The following SNX24 variants were observed in gnomAD, a reference collection of about 807,000 sequenced individuals.
SNX24 encodes the protein sorting nexin 24.
In SNX24, 22 loss-of-function variants were observed where a neutral mutation model predicts 28.7. The observed-to-expected ratio is 0.77, with a 90% CI of 0.55 to 1.10. The LOEUF is 1.10. Ranked by LOEUF, SNX24 falls within the 50% of genes least tolerant of loss-of-function variation. SNX24 has a pLI of 0.00. For synonymous variants in SNX24, 69 were observed against 71.5 expected (o/e 0.96, Z 0.18); for missense variants, 221 against 201.1 (o/e 1.10, Z -0.60).
At chr5:122,977,624 A>G (rs1761220722) in intron 3 of SNX24, among the ~76,000 whole-genome samples, 1 of 152,214 alleles carries the variant, frequency 6.6e-6, no homozygotes, top group Non-Finnish European at 1.5e-5. Context: ...CTGCCTTTAA[A>G]TTATACCCTT....
chr5:122,889,547 C>G (rs911329857), intron 1 of SNX24, among the ~76,000 whole-genome samples: 1 of 151,248 alleles, frequency 6.6e-6, no homozygotes, highest in Admixed American at 6.6e-5. Flanking sequence ...GACTAAAACC[C>G]TTTTTGTCTC....
At chr5:122,998,509 C>G (rs1268718570) in intron 3 of SNX24, among the ~76,000 whole-genome samples, 1 of 152,070 alleles carries the variant, frequency 6.6e-6, no homozygotes, top group Admixed American at 6.5e-5. Context: ...ATTTTTTCTT[C>G]TATCTTTTAT....
chr5:123,017,865 C>A (rs1762706177), intron 5 of SNX24, among the ~76,000 whole-genome samples: 2 of 152,250 alleles, frequency 1.3e-5, no homozygotes, highest in Middle Eastern at 3.4e-3. Flanking sequence ...CATTAAACAT[C>A]TTTCTTTTGT....
chr5:123,018,627 T>A (rs1425137803), intron 5 of SNX24, among the ~76,000 whole-genome samples: 2 of 152,162 alleles, frequency 1.3e-5, no homozygotes, highest in Non-Finnish European at 2.9e-5. Flanking sequence ...TTTTGGTAAT[T>A]TGGGTCCTCC....
chr5:122,899,372 A>G (rs921020741), intron 1 of SNX24, among the ~76,000 whole-genome samples: 3 of 152,134 alleles, frequency 2.0e-5, no homozygotes, highest in South Asian at 2.1e-4. Context: ...AATTAGTTCA[A>G]CATACAGTCT....
chr5:123,015,387 T>C (rs771615459), intron 5 of SNX24, among the ~76,000 whole-genome samples: 24 of 152,220 alleles, frequency 1.6e-4, no homozygotes, highest in Non-Finnish European at 3.4e-4. Flanking sequence ...ACAGTGACTG[T>C]GTATAGTTTG....
chr5:122,926,365 A>T (rs890926361), intron 1 of SNX24, among the ~76,000 whole-genome samples: 2 of 152,130 alleles, frequency 1.3e-5, no homozygotes, highest in African/African-American at 4.8e-5. Flanking sequence ...GGCTGCTGTG[A>T]AATATAGATT....
intron 3 of SNX24, 35 bp from the exon 4 acceptor site, chr5:122,999,877 A>C: frequency 7.8e-7 from 1 of 1,281,766 alleles, no homozygotes; most frequent in Non-Finnish European, 1.1e-6. Context: ...AGCAAACTTC[A>C]CTTCAGTTTC....
chr5:123,026,119 G>A, intron 5 of SNX24: 1 of 673,842 alleles, frequency 1.5e-6, no homozygotes. Context: ...ACATGAAGGA[G>A]GGAATAAAAT....
At chr5:123,003,640 C>T (rs1762323842) in intron 6 of SNX24, among the ~76,000 whole-genome samples, 1 of 152,158 alleles carries the variant, frequency 6.6e-6, no homozygotes, top group East Asian at 1.9e-4. Context: ...ATTTTATGAC[C>T]TTTAAATCCA....
At chr5:122,991,690 C>T (rs1228569493) in intron 3 of SNX24, among the ~76,000 whole-genome samples, 1 of 151,972 alleles carries the variant, frequency 6.6e-6, no homozygotes. Context: ...AGAACTCCTG[C>T]CCTCAAGTGA....
At chr5:122,947,693 C>A (rs1759749556) in intron 3 of SNX24, among the ~76,000 whole-genome samples, 1 of 152,016 alleles carries the variant, frequency 6.6e-6, no homozygotes. Context: ...AAAACAAACC[C>A]CTCCAAAAAA....
At chr5:122,865,581 C>T (rs944275795) in intron 1 of SNX24, among the ~76,000 whole-genome samples, 4 of 152,178 alleles carry the variant, frequency 2.6e-5, no homozygotes, top group African/African-American at 7.2e-5. Context: ...TCAGGTGATC[C>T]ACCCGCCTTG....
intron 1 of SNX24, among the ~76,000 whole-genome samples, chr5:122,896,359 CTCT>C (rs1459175200): frequency 2.0e-5 from 3 of 152,104 alleles, no homozygotes; most frequent in African/African-American, 7.2e-5. Flanking sequence ...GTTGCATATC[CTCT>C]TCTTAAGGTA....
chr5:122,913,073 C>G (rs1757964219), intron 1 of SNX24, among the ~76,000 whole-genome samples: 1 of 152,208 alleles, frequency 6.6e-6, no homozygotes. Flanking sequence ...AAGAATTTTT[C>G]TTAGTACAGA....
chr5:122,959,027 T>C (rs1233943656), intron 3 of SNX24, among the ~76,000 whole-genome samples: 1 of 152,190 alleles, frequency 6.6e-6, no homozygotes, highest in Non-Finnish European at 1.5e-5. Flanking sequence ...TTAGGGTGTA[T>C]TTCCTCCTGT....
intron 2 of SNX24, among the ~76,000 whole-genome samples, chr5:122,945,190 A>G (rs918660748): frequency 6.6e-6 from 1 of 152,068 alleles, no homozygotes; most frequent in Admixed American, 6.5e-5. Context: ...AGTCAGAGAC[A>G]TTGTTTCTCC....
chr5:122,922,231 T>C lies in SNX24; in HGVS notation c.61-14503T>C, dbSNP rs1338630585. ...CTTAGTATTTAAAGTATCAGGCAGGTTTTTTTGTTTTTGTGGGGTTTTTGT... is the reference window on the plus strand; with the variant it reads ...CTTAGTATTTAAAGTATCAGGCAGGCTTTTTTGTTTTTGTGGGGTTTTTGT... On this transcript the variant is annotated intron_variant, in intron 1 of 6. Transcript: ENST00000261369. Among the ~76,000 whole-genome samples the C allele has an allele frequency of 3.9e-5, 6 of 152,172 alleles. 1 individual carries two copies. The highest frequency in any genetic ancestry group is 1.4e-4 in the African/African-American group (6 of 41,522).
rs1222857880 is a variant in SNX24, at chr5:122,999,851, A to G, written c.250-61A>G. ...CGGTTATGACTTTTTGAAATAGTTC[A>G]TTTGATTGATCACCTAGCAAACTTC... On this transcript the variant is annotated intron_variant, in intron 3 of 6. Transcript: ENST00000261369. 6 of 974,828 alleles carry G rather than the reference A, an allele frequency of 6.2e-6. No homozygotes were observed. In the South Asian group the frequency reaches 6.5e-5, roughly 10 times the overall value. The allele number at this position is 974,828 out of a possible 1,614,324, so 60.4% of individuals were successfully genotyped here.
Sources: allele counts gnomAD v4.1 joint callset (sites outside exome capture counted in the v4.1 genomes callset), GRCh38; gene constraint gnomAD v4.1.1; transcripts MANE v1.5; gene names NCBI Gene and HGNC (gene_info 2026-07-23, HGNC 2026-07-21).